The following ZNF540 variants were observed in gnomAD, a reference collection of about 807,000 sequenced individuals.
ZNF540 encodes the protein CTD-3064H18.6.
In ZNF540, 3 loss-of-function variants were observed where a neutral mutation model predicts 11.8. The observed-to-expected ratio is 0.25, with a 90% CI of 0.12 to 0.65. ZNF540 has a LOEUF of 0.65. Among genes scored for constraint, ZNF540 ranks in the 30% least tolerant of loss-of-function variants. The pLI, the probability that ZNF540 is intolerant of heterozygous loss-of-function variation, is 0.83. For synonymous variants in ZNF540, 247 were observed against 259.0 expected, an observed-to-expected ratio of 0.95 and a Z score of 0.45; for missense variants, 709 against 793.1, an observed-to-expected ratio of 0.89 and a Z score of 1.27.
chr19:37,601,184 T>G, intron 4 of ZNF540, 79 bp downstream of exon 4: 3 of 1,225,080 alleles, frequency 2.4e-6, no homozygotes, highest in Non-Finnish European at 3.5e-6. Context: ...TATACAGGCT[T>G]TGCATGCTGT....
chr19:37,556,670 T>C (rs190507346), intron 1 of ZNF540, among the ~76,000 whole-genome samples: 1 of 152,300 alleles, frequency 6.6e-6, no homozygotes, highest in East Asian at 1.9e-4. Flanking sequence ...GGGGAGACTG[T>C]AGGTACTGTA....
Position 37,613,576 on chromosome 19 carries a change from C to T in ZNF540, c.*313C>T. On this transcript the variant is annotated 3_prime_UTR_variant, in exon 5 of 5. Transcript: ENST00000316433. ...TACCTCAGCTGTAAAATGAAACACACCTAAAAGTGTGGTTGTTTCCAACAT... is the reference window on the plus strand; with the variant it reads ...TACCTCAGCTGTAAAATGAAACACATCTAAAAGTGTGGTTGTTTCCAACAT... The T allele has an allele frequency of 2.5e-6, 1 of 397,246 alleles. No individual in the cohort carries two copies. The highest frequency in any genetic ancestry group is 4.4e-6 in the Non-Finnish European group (1 of 224,812). The allele number at this position is 397,246 out of a possible 1,614,324, so 24.6% of individuals were successfully genotyped here. A position where few individuals can be genotyped will look rare whatever the true frequency, so the allele number is the denominator to read the frequency against.
At chr19:37,553,758 C>G (rs2042632920) in intron 1 of ZNF540, among the ~76,000 whole-genome samples, 1 of 66,664 alleles carries the variant, frequency 1.5e-5, no homozygotes, top group Non-Finnish European at 2.8e-5. Flanking sequence ...AATAATACTT[C>G]CATTCCACCT....
At chr19:37,596,544 C>T (rs1568365491) in intron 1 of ZNF540, among the ~76,000 whole-genome samples, 2 of 152,102 alleles carry the variant, frequency 1.3e-5, no homozygotes, top group Non-Finnish European at 2.9e-5. Flanking sequence ...TTTATTTAAC[C>T]TGTTCTTTAT....
intron 1 of ZNF540, chr19:37,583,417 G>A (rs1363044267): frequency 2.0e-5 from 3 of 152,324 alleles, no homozygotes; most frequent in Non-Finnish European, 4.4e-5. Context: ...TGGCAAATGG[G>A]AGTTGGGAGG....
intron 1 of ZNF540, among the ~76,000 whole-genome samples, chr19:37,589,611 GT>G (rs1456488334): frequency 2.0e-5 from 3 of 152,070 alleles, no homozygotes; most frequent in African/African-American, 7.2e-5. Context: ...ACTGGACTAA[GT>G]TCCTTGAAGA....
At chr19:37,596,623 T>A (rs1014689346) in intron 1 of ZNF540, among the ~76,000 whole-genome samples, 3 of 152,236 alleles carry the variant, frequency 2.0e-5, no homozygotes, top group Non-Finnish European at 4.4e-5. Flanking sequence ...CCTGTCTGCA[T>A]ATATCCTAGT....
At chr19:37,556,145 G>A (rs1452605286) in intron 1 of ZNF540, 6 of 702,306 alleles carry the variant, frequency 8.5e-6, no homozygotes, top group East Asian at 2.7e-5. Context: ...GTTGCTCTTC[G>A]CGGGTACGGG....
At chr19:37,565,455 G>A (rs1367314031) in intron 1 of ZNF540, 10 of 1,612,672 alleles carry the variant, frequency 6.2e-6, no homozygotes, top group South Asian at 1.1e-5. Flanking sequence ...ACTCTCTGAT[G>A]GTATGTAAGG....
chr19:37,606,604 G>T (rs1318443739), intron 4 of ZNF540, among the ~76,000 whole-genome samples: 1 of 152,066 alleles, frequency 6.6e-6, no homozygotes, highest in Non-Finnish European at 1.5e-5. Context: ...CTGTCTTTTT[G>T]AGAACAGCCA....
chr19:37,613,623 C>A lies in ZNF540; in HGVS notation c.*360C>A. On this transcript the variant is annotated 3_prime_UTR_variant, in exon 5 of 5. Transcript: ENST00000316433. ...ACATGTATAATACAGCAACAACTAT[C>A]TGGCCCAAACTGCTTTGGATTAATA... 2.5e-6 allele frequency: 1 copy of A among 396,336 alleles called. No individual in the cohort carries two copies. The highest frequency in any genetic ancestry group is 4.4e-6 in the Non-Finnish European group (1 of 225,254). The allele number at this position is 396,336 out of a possible 1,614,324, so 24.6% of individuals were successfully genotyped here. A position where few individuals can be genotyped will look rare whatever the true frequency, so the allele number is the denominator to read the frequency against.
chr19:37,607,907 A>G (rs932345614), intron 4 of ZNF540, among the ~76,000 whole-genome samples: 1 of 152,210 alleles, frequency 6.6e-6, no homozygotes, highest in Non-Finnish European at 1.5e-5. Context: ...AGTGGCTATA[A>G]TATTTTTGCA....
intron 1 of ZNF540, among the ~76,000 whole-genome samples, chr19:37,561,916 G>C (rs2042721403): frequency 6.6e-6 from 1 of 152,214 alleles, no homozygotes. Flanking sequence ...CATGAGTGTT[G>C]TGGCATCATG....
intron 1 of ZNF540, among the ~76,000 whole-genome samples, chr19:37,551,834 G>GTA (rs1555712947): frequency 1.4e-5 from 2 of 142,720 alleles, no homozygotes; most frequent in Non-Finnish European, 3.0e-5. Flanking sequence ...CTGTGTGTGT[G>GTA]GGGGGGGTGG....
At position 37,611,594 on chromosome 19, in the gene ZNF540, T is replaced by C. The variant is rs199528404; in HGVS notation, c.314T>C (p.Ile105Thr). 17 of 1,613,744 alleles carry C rather than the reference T, an allele frequency of 1.1e-5. No individual in the cohort carries two copies. The highest frequency in any genetic ancestry group is 2.2e-5 in the East Asian group (1 of 44,812). ...ATCAGTTTATCCAAAGAGAGTATAA[T>C]AGAAAAAAGTAAAACTCTTCGTCTG... is the stretch of plus-strand genomic sequence containing the variant. Reference protein sequence around the residue: ...HEISLSKESIIEKSKTLRLKG... With the variant: ...HEISLSKESITEKSKTLRLKG... Residue 105 changes from isoleucine to threonine, a missense_variant, in exon 5 of 5, where the codon ATA becomes ACA. Physicochemically the swap from Ile to Thr is moderately conservative, Grantham distance 89. Transcript: ENST00000316433.
intron 1 of ZNF540, among the ~76,000 whole-genome samples, chr19:37,588,688 T>C (rs551699939): frequency 1.8e-4 from 28 of 152,290 alleles, no homozygotes; most frequent in Non-Finnish European, 2.2e-4. Context: ...CCTGAACATG[T>C]ACCCCCTGAA....
At chr19:37,586,780 G>T in intron 1 of ZNF540, 1 of 1,240,792 alleles carries the variant, frequency 8.1e-7, no homozygotes, top group Non-Finnish European at 1.2e-6. Context: ...GATTAGACTT[G>T]GCTCACAGCC....
In ZNF540 at chr19:37,612,822, G is replaced by C. The variant is rs767033737; in HGVS notation, c.1542G>C (p.Gln514His). Reference protein sequence around the residue: ...FRFGFYLTEHQRIHTGEKPYK... With the variant: ...FRFGFYLTEHHRIHTGEKPYK... ...TTGGTTTCTACCTTACTGAACACCAGAGAATTCACACTGGTGAAAAGCCCT... is the reference window on the plus strand; with the variant it reads ...TTGGTTTCTACCTTACTGAACACCACAGAATTCACACTGGTGAAAAGCCCT... Residue 514 changes from glutamine (Q) to histidine (H), a missense_variant, in exon 5 of 5, where the codon CAG becomes CAC. Gln to His is a conservative substitution (Grantham distance 24, BLOSUM62 0). Transcript: ENST00000316433. 3 of 1,614,046 alleles carry C rather than the reference G, an allele frequency of 1.9e-6. No homozygotes were observed. Among genetic ancestry groups the C allele is most frequent in the East Asian group, 2.2e-5 (1 of 44,876 alleles).
intron 1 of ZNF540, among the ~76,000 whole-genome samples, chr19:37,568,754 G>GA (rs771224223): frequency 1.3e-5 from 2 of 152,016 alleles, no homozygotes; most frequent in African/African-American, 2.4e-5. Flanking sequence ...TTAAATTAAT[G>GA]AAAAAACTAT....
Sources: allele counts gnomAD v4.1 joint callset (sites outside exome capture counted in the v4.1 genomes callset), GRCh38; gene constraint gnomAD v4.1.1; transcripts MANE v1.5; gene names NCBI Gene and HGNC (gene_info 2026-07-23, HGNC 2026-07-21).